ZNF383: variants seen among roughly 807,000 people sequenced by gnomAD.
ZNF383 encodes the protein zinc finger protein 383.
ZNF383 carries 32 observed loss-of-function variants against 44.2 expected under a neutral mutation model. The observed-to-expected ratio is 0.72, with a 90% CI of 0.55 to 0.97. The LOEUF (loss-of-function observed/expected upper bound fraction) is 0.97. ZNF383 is among the 50% of genes least tolerant of loss of function. ZNF383 has a pLI of 0.00. For synonymous variants in ZNF383, 155 were observed against 186.2 expected (o/e 0.83, Z 1.36); for missense variants, 487 against 562.5 (o/e 0.87, Z 1.36).
intron 1 of ZNF383, among the ~76,000 whole-genome samples, chr19:37,220,560 T>C (rs926692353): frequency 8.5e-6 from 1 of 117,224 alleles, no homozygotes; most frequent in African/African-American, 4.2e-5. Flanking sequence ...CCTATATTTG[T>C]TTTTTTTTTT....
intron 1 of ZNF383, among the ~76,000 whole-genome samples, chr19:37,221,828 C>A (rs980239407): frequency 4.6e-5 from 7 of 150,916 alleles, no homozygotes; most frequent in Non-Finnish European, 7.4e-5. Flanking sequence ...TGGTGGCGGC[C>A]GCCTATAGTC....
intron 5 of ZNF383, among the ~76,000 whole-genome samples, chr19:37,236,512 C>G (rs143645799): frequency 1.3e-5 from 2 of 151,830 alleles, no homozygotes; most frequent in Admixed American, 6.6e-5. Flanking sequence ...CTCAGCCTTC[C>G]AAGTGGCTGG....
intron 3 of ZNF383, among the ~76,000 whole-genome samples, chr19:37,232,056 C>CT (rs1316021337): frequency 1.3e-5 from 2 of 150,854 alleles, no homozygotes; most frequent in Non-Finnish European, 3.0e-5. Context: ...AAACATTTTC[C>CT]TTTTTTCCTC....
In ZNF383 at chr19:37,245,066, G is replaced by C. The variant is rs549418696; in HGVS notation, c.*1402G>C. ...CCAGCACTTTGGGAGGCCGAGGTGGGCGGATCACAAGGTCTGAAGATTAAG... is the reference window on the plus strand; with the variant it reads ...CCAGCACTTTGGGAGGCCGAGGTGGCCGGATCACAAGGTCTGAAGATTAAG... On this transcript the variant is annotated 3_prime_UTR_variant, in exon 6 of 6. Coordinates refer to ENST00000684119, the MANE Select transcript of ZNF383 (RefSeq NM_001387601.1). 1 of 152,288 alleles carries C rather than the reference G, an allele frequency of 6.6e-6. No individual in the cohort carries two copies. Among genetic ancestry groups the C allele is most frequent in the African/African-American group, 2.4e-5 (1 of 41,556 alleles). 9.4% of individuals were successfully genotyped at this position (152,288 alleles called of 1,614,324 possible).
intron 1 of ZNF383, among the ~76,000 whole-genome samples, chr19:37,223,110 TG>T (rs145207154): frequency 0.025 from 3,731 of 152,284 alleles, 171 homozygotes; most frequent in African/African-American, 0.084. Context: ...ACAATCTTAG[TG>T]GGGAGTTTTT....
At chr19:37,221,813 G>C (rs146473497) in intron 1 of ZNF383, among the ~76,000 whole-genome samples, 11 of 151,038 alleles carry the variant, frequency 7.3e-5, no homozygotes, top group Non-Finnish European at 1.6e-4. Context: ...AAAATTAGCC[G>C]GGCATGGTGG....
At chr19:37,231,496 C>T (rs753967607) in intron 3 of ZNF383, among the ~76,000 whole-genome samples, 6 of 152,152 alleles carry the variant, frequency 3.9e-5, no homozygotes, top group Admixed American at 2.6e-4. Flanking sequence ...TGTACTCCAG[C>T]CTGAGCAACA....
rs536293154 is a variant in ZNF383 at position 37,233,378 on chromosome 19, G to A, written c.10-2171G>A. On this transcript the variant is annotated intron_variant, in intron 3 of 5. Transcript: ENST00000684119. ...GATCTCCTGACCTCATGATCTGCCT[G>A]CCTTGGCCTCCCAAAGTTCTGGGAT... 2.2e-4 allele frequency among the ~76,000 whole-genome samples: 34 copies of A among 151,404 alleles called. No individual in the cohort carries two copies. The South Asian group carries it at 2.7e-3, about 12-fold the overall frequency.
chr19:37,225,483 A>C (rs1973115351), intron 2 of ZNF383, among the ~76,000 whole-genome samples: 1 of 152,172 alleles, frequency 6.6e-6, no homozygotes, highest in Non-Finnish European at 1.5e-5. Context: ...ACTGAATTAT[A>C]ACTATTAAGC....
rs1297571199 is a variant in ZNF383 at position 37,244,016 on chromosome 19, T to A, written c.*352T>A. The A allele has an allele frequency of 1.8e-5, 3 of 168,286 alleles. No individual in the cohort carries two copies. Among genetic ancestry groups the A allele is most frequent in the Non-Finnish European group, 3.8e-5 (3 of 79,072 alleles). The allele number at this position is 168,286 out of a possible 1,614,324, so 10.4% of individuals were successfully genotyped here. On this transcript the variant is annotated 3_prime_UTR_variant, in exon 6 of 6. Coordinates refer to ENST00000684119, the MANE Select transcript of ZNF383 (RefSeq NM_001387601.1). ...TGAATTGTGTGACCTTTAATATTTT[T>A]AAATTCCTTGTGGAGGTTTAACTTT...
In ZNF383 at chr19:37,243,586, T is replaced by G; in HGVS notation, c.1350T>G (p.Tyr450Ter). The G allele has an allele frequency of 6.2e-7, 1 of 1,613,154 alleles. No individual in the cohort carries two copies. The highest frequency in any genetic ancestry group is 1.1e-5 in the South Asian group (1 of 90,988). ...HLRIHTGEKP[Y>*]NCKECGKAFS... Reference sequence around the variant, plus strand: ...GAATTCACACTGGTGAAAAGCCCTATAACTGTAAGGAATGTGGGAAGGCTT... The same window carrying G: ...GAATTCACACTGGTGAAAAGCCCTAGAACTGTAAGGAATGTGGGAAGGCTT... Residue 450 changes from tyrosine to a stop codon, truncating the protein, a stop_gained, in exon 6 of 6, where the codon TAT (tyrosine) becomes TAG (stop). Transcript: ENST00000684119. LOFTEE classifies it high-confidence loss of function.
At chr19:37,220,652 G>T (rs1452252358) in intron 1 of ZNF383, among the ~76,000 whole-genome samples, 2 of 149,622 alleles carry the variant, frequency 1.3e-5, no homozygotes, top group Non-Finnish European at 3.0e-5. Context: ...TAATTATAAA[G>T]AGACCCTCAG....
At position 37,248,271 on chromosome 19, in the gene ZNF383, G is replaced by A. The variant is rs944306493; in HGVS notation, c.*4607G>A. The A allele has an allele frequency of 6.6e-6, 1 of 152,186 alleles. No homozygotes were observed. The highest frequency in any genetic ancestry group is 2.4e-5 in the African/African-American group (1 of 41,454). The allele number at this position is 152,186 out of a possible 1,614,324, so 9.4% of individuals were successfully genotyped here. ...TCTTAGGAAACTCTTCTAGGACATA[G>A]ACTGAGATAGCAAATTATCTATTTT... On this transcript the variant is annotated 3_prime_UTR_variant, in exon 6 of 6. Coordinates refer to ENST00000684119, the MANE Select transcript of ZNF383 (RefSeq NM_001387601.1).
At chr19:37,234,938 C>T (rs1468307123) in intron 3 of ZNF383, among the ~76,000 whole-genome samples, 3 of 152,026 alleles carry the variant, frequency 2.0e-5, no homozygotes, top group African/African-American at 7.2e-5. Context: ...AGTTCTTTTC[C>T]CAAAGAACCT....
In ZNF383 at chr19:37,242,523, A is replaced by C. The variant is rs1218186294; in HGVS notation, c.287A>C (p.Glu96Ala). ...KLLSLKKEVY[E>A]IELCQREIMG... ...TTATCTCTAAAGAAGGAAGTTTATG[A>C]AATAGAATTATGCCAGAGGGAGATA... The change falls in exon 6 of 6, where the codon GAA (glutamate) becomes GCA (alanine). Residue 96 changes from glutamate (E) to alanine (A), a missense_variant. Transcript: ENST00000684119. The C allele has an allele frequency of 1.2e-6, 2 of 1,612,890 alleles. No individual in the cohort carries two copies. Among genetic ancestry groups the C allele is most frequent in the South Asian group, 2.2e-5 (2 of 90,762 alleles).
At chr19:37,226,870 A>C (rs1973190571) in intron 2 of ZNF383, among the ~76,000 whole-genome samples, 1 of 152,030 alleles carries the variant, frequency 6.6e-6, no homozygotes, top group South Asian at 2.1e-4. Flanking sequence ...CCAGGCTAGA[A>C]TGCAGTGGTA....
intron 2 of ZNF383, among the ~76,000 whole-genome samples, chr19:37,228,727 C>T (rs1973303291): frequency 6.6e-6 from 1 of 151,992 alleles, no homozygotes; most frequent in Non-Finnish European, 1.5e-5. Context: ...TTTTCTGGGA[C>T]TAACTGGCTT....
chr19:37,230,070 C>T (rs1234261), intron 2 of ZNF383, among the ~76,000 whole-genome samples: 26,903 of 151,768 alleles, frequency 0.18, 2,477 homozygotes, highest in South Asian at 0.25. Context: ...AGTCTTGGGT[C>T]ATAGTAGGTC....
At chr19:37,225,893 G>C (rs530905272) in intron 2 of ZNF383, among the ~76,000 whole-genome samples, 1 of 150,744 alleles carries the variant, frequency 6.6e-6, no homozygotes, top group Admixed American at 6.6e-5. Flanking sequence ...GGGTTCAAGC[G>C]ATTCCCCTGT....
Sources: allele counts gnomAD v4.1 joint callset (sites outside exome capture counted in the v4.1 genomes callset), GRCh38; gene constraint gnomAD v4.1.1; transcripts MANE v1.5; gene names NCBI Gene and HGNC (gene_info 2026-07-23, HGNC 2026-07-21).